Variants in RPTOR observed in about 807,000 individuals in gnomAD.
RPTOR encodes regulatory-associated protein of mTOR.
A neutral mutation model predicts 169.9 loss-of-function variants in RPTOR; 21 were observed. That is an observed-to-expected ratio of 0.12 (90% CI 0.09 to 0.18). The LOEUF (loss-of-function observed/expected upper bound fraction) is 0.18. RPTOR is among the 10% of genes least tolerant of loss of function. RPTOR has a pLI of 1.00. For missense variants in RPTOR, 1,133 were observed against 1,855.9 expected (o/e 0.61, Z 7.16); for synonymous variants, 732 against 753.2 (o/e 0.97, Z 0.46).
At chr17:80,928,374 T>C (rs567640658) in intron 24 of RPTOR, among the ~76,000 whole-genome samples, 76 of 152,346 alleles carry the variant, frequency 5.0e-4, no homozygotes, top group African/African-American at 1.5e-3. Flanking sequence ...TTAGCCTGCT[T>C]CACATGTAAA....
At chr17:80,570,729 G>A (rs2064896534) in intron 1 of RPTOR, among the ~76,000 whole-genome samples, 3 of 152,126 alleles carry the variant, frequency 2.0e-5, no homozygotes, top group South Asian at 4.1e-4. Flanking sequence ...CCAAAGTGCT[G>A]GGATTACAGG....
chr17:80,837,386 G>A (rs1306154008), intron 9 of RPTOR, among the ~76,000 whole-genome samples: 2 of 152,110 alleles, frequency 1.3e-5, no homozygotes, highest in Admixed American at 6.5e-5. Context: ...GGGGCCTGAC[G>A]GCACCATCAC....
intron 3 of RPTOR, among the ~76,000 whole-genome samples, chr17:80,684,708 G>C (rs892018780): frequency 1.3e-5 from 2 of 152,106 alleles, no homozygotes; most frequent in African/African-American, 2.4e-5. Flanking sequence ...GCCTCCCATA[G>C]TGCTGGGATT....
chr17:80,592,264 T>A (rs950112934), intron 1 of RPTOR, among the ~76,000 whole-genome samples: 17 of 152,152 alleles, frequency 1.1e-4, no homozygotes, highest in Non-Finnish European at 1.6e-4. Context: ...CTTGCAGACC[T>A]GGGTAAGGAA....
chr17:80,774,830 C>T (rs149053171), intron 6 of RPTOR, among the ~76,000 whole-genome samples: 2 of 152,324 alleles, frequency 1.3e-5, no homozygotes, highest in African/African-American at 2.4e-5. Flanking sequence ...AAGGAGGCTG[C>T]GGACACAGTG....
At chr17:80,758,329 G>T (rs566486549) in intron 6 of RPTOR, among the ~76,000 whole-genome samples, 13 of 152,292 alleles carry the variant, frequency 8.5e-5, no homozygotes, top group Middle Eastern at 6.8e-3. Flanking sequence ...TGAGAGGAAG[G>T]TTTCGTCAGG....
At chr17:80,757,913 G>T (rs1287038210) in intron 6 of RPTOR, among the ~76,000 whole-genome samples, 2 of 151,990 alleles carry the variant, frequency 1.3e-5, no homozygotes, top group Non-Finnish European at 2.9e-5. Context: ...TCTCTGTACT[G>T]TATGTCTGAT....
chr17:80,872,396 A>G (rs2068061358), intron 13 of RPTOR, among the ~76,000 whole-genome samples: 1 of 152,170 alleles, frequency 6.6e-6, no homozygotes, highest in African/African-American at 2.4e-5. Flanking sequence ...ACTGCGGACC[A>G]GGAAGGCAGA....
At chr17:80,625,253 A>G (rs1489045482) in intron 1 of RPTOR, among the ~76,000 whole-genome samples, 1 of 152,226 alleles carries the variant, frequency 6.6e-6, no homozygotes, top group East Asian at 1.9e-4. Context: ...AATCAATACG[A>G]CAGCTTTTCT....
intron 21 of RPTOR, among the ~76,000 whole-genome samples, chr17:80,920,579 A>C (rs2068733026): frequency 6.6e-6 from 1 of 152,186 alleles, no homozygotes; most frequent in South Asian, 2.1e-4. Context: ...CCACGGCTCC[A>C]TGCGGTACTC....
At chr17:80,735,910 G>A (rs1038564674) in intron 5 of RPTOR, among the ~76,000 whole-genome samples, 5 of 152,106 alleles carry the variant, frequency 3.3e-5, no homozygotes, top group African/African-American at 9.7e-5. Flanking sequence ...GGTGGCTCAC[G>A]CCTGTAATCC....
At chr17:80,556,578 G>A (rs1446957194) in intron 1 of RPTOR, among the ~76,000 whole-genome samples, 1 of 152,126 alleles carries the variant, frequency 6.6e-6, no homozygotes, top group African/African-American at 2.4e-5. Context: ...AGGAATGGAC[G>A]ATAGAGCATG....
intron 24 of RPTOR, 152 bp from the exon 25 acceptor site, chr17:80,940,344 C>G: frequency 1.7e-6 from 1 of 604,862 alleles, no homozygotes; most frequent in Middle Eastern, 3.8e-4. Context: ...AGGATGTGTT[C>G]TGCTTGTACG....
At position 80,681,652 on chromosome 17, in the gene RPTOR, C is replaced by CCTTCATGAGGTGTACGTCTCTTACAG. The variant is rs1187478186; in HGVS notation, c.349-26163_349-26138dup. Among the ~76,000 whole-genome samples the CCTTCATGAGGTGTACGTCTCTTACAG allele has an allele frequency of 5.0e-5, 2 of 40,288 alleles. 1 individual carries two copies. Among genetic ancestry groups the CCTTCATGAGGTGTACGTCTCTTACAG allele is most frequent in the Non-Finnish European group, 1.1e-4 (2 of 18,254 alleles). 26.4% of individuals were successfully genotyped at this position (40,288 alleles called of 152,430 possible). Reference sequence around the variant, plus strand: ...CTTCATGAGGTGTACGTCTCTTACACCTTCATGAGGTGTACGTCTCTTACA... The same window carrying CCTTCATGAGGTGTACGTCTCTTACAG: ...CTTCATGAGGTGTACGTCTCTTACACCTTCATGAGGTGTACGTCTCTTACAGCTTCATGAGGTGTACGTCTCTTACA... On this transcript the variant is annotated intron_variant, in intron 3 of 33. Transcript: ENST00000306801.
intron 17 of RPTOR, among the ~76,000 whole-genome samples, chr17:80,889,482 C>T (rs1415805863): frequency 1.3e-5 from 2 of 152,170 alleles, no homozygotes; most frequent in Non-Finnish European, 2.9e-5. Context: ...GAGCCCGTGG[C>T]CACTAATGTG....
intron 4 of RPTOR, among the ~76,000 whole-genome samples, chr17:80,719,615 T>C (rs1598253973): frequency 6.6e-6 from 1 of 152,148 alleles, no homozygotes; most frequent in East Asian, 1.9e-4. Flanking sequence ...GCCACCATTC[T>C]CAGAGGAGGG....
chr17:80,833,266 C>T (rs1485309493), intron 9 of RPTOR, among the ~76,000 whole-genome samples: 2 of 152,202 alleles, frequency 1.3e-5, no homozygotes, highest in East Asian at 3.9e-4. Flanking sequence ...GCGAGTGACT[C>T]ATCAGAACAG....
intron 21 of RPTOR, among the ~76,000 whole-genome samples, chr17:80,910,654 C>T (rs1006231653): frequency 6.6e-6 from 1 of 152,152 alleles, no homozygotes; most frequent in Non-Finnish European, 1.5e-5. Context: ...GAGTCTCCCC[C>T]TCTCATTTGC....
chr17:80,710,333 G>A (rs1216073709), intron 4 of RPTOR, among the ~76,000 whole-genome samples: 1 of 151,972 alleles, frequency 6.6e-6, no homozygotes, highest in Non-Finnish European at 1.5e-5. Flanking sequence ...GTCTTGGTGT[G>A]CTGGCCGATG....
Sources: gnomAD v4.1 joint callset for allele counts (sites outside exome capture counted in the v4.1 genomes callset) on GRCh38, gnomAD v4.1.1 for gene constraint, MANE v1.5 for transcripts, NCBI Gene and HGNC (gene_info 2026-07-23, HGNC 2026-07-21) for gene names.